The following KRIT1 variants were observed in gnomAD, a reference collection of about 807,000 sequenced individuals.
KRIT1 encodes the protein krev interaction trapped protein 1.
Under a neutral mutation model 95.8 loss-of-function variants are expected in KRIT1, and 45 were observed. That is an observed-to-expected ratio of 0.47 (90% CI 0.37 to 0.60). The LOEUF (loss-of-function observed/expected upper bound fraction) is 0.60, where lower values mean the gene tolerates loss of function less well. Ranked by LOEUF, KRIT1 falls within the 20% of genes least tolerant of loss-of-function variation. The pLI is 0.00. For missense variants in KRIT1, 788 were observed against 877.5 expected (o/e 0.90, Z 1.29); for synonymous variants, 282 against 278.8 (o/e 1.01, Z -0.11).
At chr7:92,210,714 G>A (rs1792612118) in intron 17 of KRIT1, among the ~76,000 whole-genome samples, 1 of 152,208 alleles carries the variant, frequency 6.6e-6, no homozygotes, top group African/African-American at 2.4e-5. Context: ...CTTCTGCACA[G>A]CTAACGTAAC....
At chr7:92,231,172 T>A (rs1014938569) in intron 10 of KRIT1, among the ~76,000 whole-genome samples, 2 of 152,144 alleles carry the variant, frequency 1.3e-5, no homozygotes, top group Admixed American at 1.3e-4. Flanking sequence ...AGTGAGACAT[T>A]TACTGAGTGG....
At chr7:92,239,665 T>G (rs916837648) in intron 5 of KRIT1, among the ~76,000 whole-genome samples, 3 of 152,146 alleles carry the variant, frequency 2.0e-5, no homozygotes, top group African/African-American at 7.2e-5. Context: ...AGGGATTCTC[T>G]TTGTGAGACT....
intron 12 of KRIT1, among the ~76,000 whole-genome samples, chr7:92,223,668 G>A (rs912560541): frequency 6.6e-6 from 1 of 152,004 alleles, no homozygotes; most frequent in African/African-American, 2.4e-5. Context: ...AGTACTTCAC[G>A]AGTCTAGTGG....
chr7:92,231,971 G>A (rs1005140950), intron 10 of KRIT1, among the ~76,000 whole-genome samples: 9 of 151,924 alleles, frequency 5.9e-5, no homozygotes, highest in African/African-American at 1.7e-4. Context: ...TCACTCAGTC[G>A]CCCAGGCTGG....
chr7:92,226,448 T>C (rs1240114218), intron 11 of KRIT1, 78 bp downstream of exon 11: 1 of 1,099,958 alleles, frequency 9.1e-7, no homozygotes, highest in Non-Finnish European at 1.4e-6. Flanking sequence ...CTCTCAAACA[T>C]ACAATTTAAC....
intron 8 of KRIT1, 25 bp downstream of exon 8, chr7:92,235,378 G>A (rs1798214911): frequency 6.2e-7 from 1 of 1,610,948 alleles, no homozygotes; most frequent in Non-Finnish European, 8.5e-7. Context: ...TTTTAAATCA[G>A]AGCTAAAATT....
intron 6 of KRIT1, 49 bp downstream of exon 6, chr7:92,237,618 C>T: frequency 9.4e-7 from 1 of 1,069,276 alleles, no homozygotes; most frequent in African/African-American, 1.5e-5. Context: ...TAGACCTTTA[C>T]TTAGCATCTA....
intron 2 of KRIT1, 94 bp from the exon 3 acceptor site, chr7:92,244,243 A>G (rs992719537): frequency 1.4e-4 from 22 of 152,348 alleles, no homozygotes; most frequent in Non-Finnish European, 2.6e-4. Flanking sequence ...TAAGGACCTA[A>G]AAGAAAAATC....
At position 92,232,658 on chromosome 7, in the gene KRIT1, C is replaced by T. The variant is rs546923890; in HGVS notation, c.989+1791G>A. 5.9e-5 allele frequency among the ~76,000 whole-genome samples: 9 copies of T among 152,162 alleles called. No homozygotes were observed. In the East Asian group the frequency reaches 1.7e-3, roughly 29 times the overall value. On this transcript the variant is annotated intron_variant, in intron 10 of 18. Coordinates refer to ENST00000394505, the MANE Select transcript of KRIT1 (RefSeq NM_194454.3). ...TTGGAATCTGAACTATATTCTCTAC[C>T]TCTTTTTATTTAGCTCCTGGTAAAG...
chr7:92,213,899 T>A lies in KRIT1; in HGVS notation c.1811A>T (p.Glu604Val). The change falls in exon 16 of 19, where the codon GAA becomes GTA. Residue 604 changes from glutamate to valine, a missense_variant. By Grantham distance (121) the Glu-to-Val change is moderately radical. Coordinates refer to ENST00000394505, the MANE Select transcript of KRIT1 (RefSeq NM_194454.3). ...TTCTATTAAACAGCTTACCTTGTAT[T>A]CATGAAGTATGCGATTTGTCCAGTG... ...APHWTNRILH[E>V]YKNLSTSEGV... is the part of the protein sequence containing the mutation. 6.3e-7 allele frequency: 1 copy of A among 1,579,896 alleles called. No individual in the cohort carries two copies. Among genetic ancestry groups the A allele is most frequent in the Non-Finnish European group, 8.7e-7 (1 of 1,148,954 alleles).
chr7:92,229,742 T>C (rs139020852), intron 10 of KRIT1, among the ~76,000 whole-genome samples: 2 of 152,342 alleles, frequency 1.3e-5, no homozygotes, highest in Non-Finnish European at 2.9e-5. Flanking sequence ...ACTTATTTCA[T>C]TCTACCTAAT....
Position 92,235,481 on chromosome 7 carries a change from A to C in KRIT1, c.651T>G (p.Ser217Arg), listed in dbSNP as rs932725628. 5.0e-6 allele frequency: 8 copies of C among 1,613,186 alleles called. No homozygotes were observed. Among genetic ancestry groups the C allele is most frequent in the Non-Finnish European group, 6.8e-6 (8 of 1,179,280 alleles). ...HMGYSALEIK[S>R]KMLALEKADT... ...CTGCTTTCTCTAGGGCTAACATTTT[A>C]CTCTTTATTTCTAGTGCACTATAGC... The change falls in exon 8 of 19, where the codon AGT becomes AGG. Residue 217 changes from serine to arginine, a missense_variant. Ser to Arg is a moderately radical substitution (Grantham distance 110). Transcript: ENST00000394505.
chr7:92,222,364 T>TTAA (rs1295567873), intron 13 of KRIT1, among the ~76,000 whole-genome samples: 2 of 152,174 alleles, frequency 1.3e-5, no homozygotes, highest in African/African-American at 4.8e-5. Context: ...AACTAAGCCA[T>TTAA]TAAATAACCA....
chr7:92,209,151 G>GA lies in KRIT1; in HGVS notation c.2025+4043dup, dbSNP rs911983226. Among the ~76,000 whole-genome samples the GA allele has an allele frequency of 1.8e-3, 260 of 147,340 alleles. 2 individuals carry two copies. Among genetic ancestry groups the GA allele is most frequent in the Middle Eastern group, 0.01 (3 of 290 alleles). On this transcript the variant is annotated intron_variant, in intron 17 of 18. Coordinates refer to ENST00000394505, the MANE Select transcript of KRIT1 (RefSeq NM_194454.3). The stretch of plus-strand genomic sequence containing the variant: ...ATGAAGTTCAATATCGTTTCGTGAT[G>GA]AAAAAAAAAACCTCTCAGCGAATTC...
At position 92,201,399 on chromosome 7, in the gene KRIT1, C is replaced by T; in HGVS notation, c.2050G>A (p.Gly684Ser). Residue 684 changes from glycine (G) to serine (S), a missense_variant, in exon 18 of 19, where the codon GGT (glycine) becomes AGT (serine). By Grantham distance (56) the Gly-to-Ser change is moderately conservative. Transcript: ENST00000394505. ...TKALLISLKY[G>S]CFMWQLGDTD... is the part of the protein sequence containing the mutation. ...TCTCCCAATTGCCACATAAAACAAC[C>T]ATACTTAAGACTGATGAGTAAAGCC... The T allele has an allele frequency of 6.3e-7, 1 of 1,577,992 alleles. No homozygotes were observed. The highest frequency in any genetic ancestry group is 8.7e-7 in the Non-Finnish European group (1 of 1,147,294).
intron 14 of KRIT1, among the ~76,000 whole-genome samples, chr7:92,217,116 A>G (rs1167542900): frequency 1.2e-4 from 19 of 152,172 alleles, no homozygotes; most frequent in Admixed American, 1.2e-3. Context: ...TTATTTTATA[A>G]TTATGCAATT....
chr7:92,219,406 C>G (rs1475962279), intron 14 of KRIT1, among the ~76,000 whole-genome samples: 1 of 152,220 alleles, frequency 6.6e-6, no homozygotes, highest in Non-Finnish European at 1.5e-5. Flanking sequence ...TATTCTTTCT[C>G]CATTAGATGA....
At position 92,201,436 on chromosome 7, in the gene KRIT1, T is replaced by C. The variant is rs1183441130; in HGVS notation, c.2026-13A>G. The C allele has an allele frequency of 8.4e-7, 1 of 1,186,188 alleles. No individual in the cohort carries two copies. Among genetic ancestry groups the C allele is most frequent in the Admixed American group, 1.7e-5 (1 of 59,510 alleles). The allele number at this position is 1,186,188 out of a possible 1,614,324, so 73.5% of individuals were successfully genotyped here. On this transcript the variant is annotated splice_polypyrimidine_tract_variant and intron_variant, in intron 17 of 18. Transcript: ENST00000394505. ...TGATGAGTAAAGCCTGCAACATAAT[T>C]GGAAACAACTATATTGAAATACATA...
At chr7:92,237,612 C>T in intron 6 of KRIT1, 55 bp downstream of exon 6, 1 of 987,556 alleles carries the variant, frequency 1.0e-6, no homozygotes, top group Non-Finnish European at 1.6e-6. Context: ...CCTCAATAGA[C>T]CTTTACTTAG....
Sources: allele counts gnomAD v4.1 joint callset (sites outside exome capture counted in the v4.1 genomes callset), GRCh38; gene constraint gnomAD v4.1.1; transcripts MANE v1.5; gene names NCBI Gene and HGNC (gene_info 2026-07-23, HGNC 2026-07-21).